Variants in AK9 observed in about 807,000 individuals in gnomAD.
AK9 encodes adenylate kinase 9, also known as adenylate kinase domain containing 1.
A neutral mutation model predicts 239.6 loss-of-function variants in AK9; 191 were observed. The ratio of observed to expected loss-of-function variants is 0.80; its 90% CI spans 0.71 to 0.90. The LOEUF is 0.90. Ranked by LOEUF, AK9 falls within the 40% of genes least tolerant of loss-of-function variation. The probability of loss-of-function intolerance (pLI) is 0.00; values close to 1 mark genes in which losing one functional copy is unlikely to be tolerated. For missense variants in AK9, 1,995 were observed against 2,214.7 expected, an observed-to-expected ratio of 0.90 and a Z score of 1.99; for synonymous variants, 689 against 721.0, an observed-to-expected ratio of 0.96 and a Z score of 0.71.
At chr6:109,528,000 A>G (rs1245293506) in intron 29 of AK9, 1 of 152,634 alleles carries the variant, frequency 6.6e-6, no homozygotes, top group Non-Finnish European at 1.5e-5. Context: ...ACAGAGGCTA[A>G]GTGACTTACT....
At chr6:109,652,704 T>C (rs1237168983) in intron 8 of AK9, among the ~76,000 whole-genome samples, 1 of 152,228 alleles carries the variant, frequency 6.6e-6, no homozygotes, top group Non-Finnish European at 1.5e-5. Flanking sequence ...CAAAAATAAC[T>C]TGTACTAACT....
rs752290352 is a variant in AK9 at position 109,497,835 on chromosome 6, TG to T, written c.5176del (p.Gln1726ArgfsTer6). The stretch of plus-strand genomic sequence containing the variant: ...CTTATAGGTCACTGGACAGTAGCCC[TG>T]GAGCTCCGCACACTTAGGGAATCGA... ...KSRFPKCAELQGYCPVTYKDG... is the reference protein window; with the variant it reads ...KSRFPKCAELXGYCPVTYKDG... On this transcript the variant is annotated frameshift_variant, in exon 37 of 41. Transcript: ENST00000424296. LOFTEE classifies it high-confidence loss of function. 2 of 1,613,962 alleles carry T rather than the reference TG, an allele frequency of 1.2e-6. No homozygotes were observed. Among genetic ancestry groups the T allele is most frequent in the Non-Finnish European group, 1.7e-6 (2 of 1,179,868 alleles).
rs777087011 is a variant in AK9 at position 109,662,616 on chromosome 6, T to C, written c.379A>G (p.Thr127Ala). ...TTAATTAATTCTATTTGCTGTAAGG[T>C]AGTCATGGCATCCTGTGAAAGTGAT... ...IPSLSQDAMT[T>A]LQQIELIKNL... Residue 127 changes from threonine (T) to alanine (A), a missense_variant, in exon 6 of 41, where the codon ACC becomes GCC. Coordinates refer to ENST00000424296, the MANE Select transcript of AK9 (RefSeq NM_001145128.3). The C allele has an allele frequency of 1.3e-6, 2 of 1,586,648 alleles. No homozygotes were observed. Among genetic ancestry groups the C allele is most frequent in the Non-Finnish European group, 1.7e-6 (2 of 1,165,848 alleles).
intron 8 of AK9, among the ~76,000 whole-genome samples, chr6:109,649,206 A>G (rs1473823157): frequency 6.6e-6 from 1 of 151,862 alleles, no homozygotes; most frequent in Admixed American, 6.6e-5. Flanking sequence ...CTCTCTCACC[A>G]CTCCTATTCA....
Position 109,595,548 on chromosome 6 carries a change from A to ACAT in AK9, c.1843-9479_1843-9477dup, listed in dbSNP as rs570772216. 1.6e-3 allele frequency among the ~76,000 whole-genome samples: 241 copies of ACAT among 152,366 alleles called. 4 individuals are homozygous for ACAT. The highest frequency in any genetic ancestry group is 0.013 in the Admixed American group (196 of 15,302). ...ATCATTTTACTATAAAGACATATGC[A>ACAT]CATGTATGTTTATTGTGGCAATATT... On this transcript the variant is annotated intron_variant, in intron 17 of 40. Transcript: ENST00000424296.
chr6:109,589,336 C>G (rs1789918100), intron 17 of AK9, among the ~76,000 whole-genome samples: 1 of 152,032 alleles, frequency 6.6e-6, no homozygotes, highest in Non-Finnish European at 1.5e-5. Context: ...ATTTTCATAG[C>G]CATTATAAAT....
At chr6:109,582,247 A>G (rs1788951513) in intron 19 of AK9, among the ~76,000 whole-genome samples, 1 of 152,218 alleles carries the variant, frequency 6.6e-6, no homozygotes, top group South Asian at 2.1e-4. Context: ...TTTAAGTCTA[A>G]TTATTAAGAA....
At chr6:109,546,298 A>G (rs774134995) in intron 25 of AK9, among the ~76,000 whole-genome samples, 171 bp from the exon 26 acceptor site, 3 of 152,204 alleles carry the variant, frequency 2.0e-5, no homozygotes, top group Non-Finnish European at 2.9e-5. Context: ...CAATTAACAT[A>G]ATTAGTTCCA....
At chr6:109,618,710 G>T (rs1466611827) in intron 13 of AK9, among the ~76,000 whole-genome samples, 1 of 152,138 alleles carries the variant, frequency 6.6e-6, no homozygotes, top group Non-Finnish European at 1.5e-5. Flanking sequence ...GAAAGATTTA[G>T]TCACAATCAG....
chr6:109,648,119 T>C (rs1386100243), intron 8 of AK9, among the ~76,000 whole-genome samples: 1 of 152,030 alleles, frequency 6.6e-6, no homozygotes, highest in East Asian at 1.9e-4. Flanking sequence ...TAGCACTAAA[T>C]GCCCACAAGA....
chr6:109,666,866 C>T (rs963130657), intron 5 of AK9, among the ~76,000 whole-genome samples: 2 of 152,184 alleles, frequency 1.3e-5, no homozygotes, highest in African/African-American at 2.4e-5. Flanking sequence ...TGAGTGGACA[C>T]ATTGGTGACC....
chr6:109,670,992 T>A (rs1408499208), intron 5 of AK9, among the ~76,000 whole-genome samples: 1 of 152,120 alleles, frequency 6.6e-6, no homozygotes, highest in Non-Finnish European at 1.5e-5. Context: ...CATATATCCA[T>A]ATAGAGACCT....
At chr6:109,632,700 G>T in intron 12 of AK9, 1 of 1,121,784 alleles carries the variant, frequency 8.9e-7, no homozygotes, top group Non-Finnish European at 1.1e-6. Flanking sequence ...TTGGGAAGCA[G>T]GGAGGGACTC....
At chr6:109,680,440 A>G (rs763120617) in intron 1 of AK9, among the ~76,000 whole-genome samples, 17 of 152,202 alleles carry the variant, frequency 1.1e-4, no homozygotes, top group Non-Finnish European at 2.5e-4. Context: ...AGCCTCCAAG[A>G]AATATGGGAC....
chr6:109,561,342 G>T (rs931670874), intron 24 of AK9, among the ~76,000 whole-genome samples: 2 of 152,012 alleles, frequency 1.3e-5, no homozygotes, highest in Non-Finnish European at 1.5e-5. Context: ...TTTAGACAGG[G>T]TCTCACTCTG....
At chr6:109,561,225 T>A (rs975328507) in intron 24 of AK9, among the ~76,000 whole-genome samples, 2 of 152,188 alleles carry the variant, frequency 1.3e-5, no homozygotes, top group Non-Finnish European at 2.9e-5. Flanking sequence ...GTGCTGGGAT[T>A]ACAGGCGTGA....
chr6:109,518,884 G>C (rs1779536804), intron 29 of AK9, among the ~76,000 whole-genome samples: 1 of 151,996 alleles, frequency 6.6e-6, no homozygotes, highest in Non-Finnish European at 1.5e-5. Context: ...GCATGATGCT[G>C]AAGTTTGGGG....
At chr6:109,606,193 T>A (rs1036955578) in intron 17 of AK9, among the ~76,000 whole-genome samples, 3 of 152,196 alleles carry the variant, frequency 2.0e-5, no homozygotes, top group African/African-American at 7.2e-5. Flanking sequence ...TTAAACATAC[T>A]ATTTCTGGAT....
At chr6:109,549,889 C>A (rs1297336472) in intron 25 of AK9, 2 of 458,798 alleles carry the variant, frequency 4.4e-6, no homozygotes, top group South Asian at 5.2e-5. Flanking sequence ...TGGTCTCGAT[C>A]TCCTGACCTC....
Sources: allele counts gnomAD v4.1 joint callset (sites outside exome capture counted in the v4.1 genomes callset), GRCh38; gene constraint gnomAD v4.1.1; transcripts MANE v1.5; gene names NCBI Gene and HGNC (gene_info 2026-07-23, HGNC 2026-07-21).